PRUNE2: variants seen among roughly 807,000 people sequenced by gnomAD.
The protein encoded by PRUNE2 is prune homolog 2 with BCH domain, also known as protein prune homolog 2.
PRUNE2 carries 164 observed loss-of-function variants against 252.0 expected under a neutral mutation model. The observed-to-expected ratio is 0.65, with a 90% confidence interval of 0.57 to 0.74. PRUNE2 has a LOEUF of 0.74. PRUNE2 is among the 30% of genes least tolerant of loss of function. The probability of loss-of-function intolerance (pLI) is 0.00; values close to 1 mark genes in which losing one functional copy is unlikely to be tolerated. For synonymous variants in PRUNE2, 1,292 were observed against 1,350.2 expected, an observed-to-expected ratio of 0.96 and a Z score of 0.94; for missense variants, 3,495 against 3,711.0, an observed-to-expected ratio of 0.94 and a Z score of 1.51.
chr9:76,892,332 T>G (rs1419714411), intron 1 of PRUNE2, among the ~76,000 whole-genome samples: 1 of 152,186 alleles, frequency 6.6e-6, no homozygotes, highest in East Asian at 1.9e-4. Context: ...CTCTGAGTCT[T>G]GAAATTTGGG....
chr9:76,826,980 A>T (rs1024781439), intron 4 of PRUNE2, among the ~76,000 whole-genome samples: 2 of 152,188 alleles, frequency 1.3e-5, no homozygotes, highest in African/African-American at 2.4e-5. Flanking sequence ...TATGGTACAG[A>T]ATTCACAGAT....
At chr9:76,887,522 C>T (rs971132146) in intron 1 of PRUNE2, among the ~76,000 whole-genome samples, 1 of 152,308 alleles carries the variant, frequency 6.6e-6, no homozygotes, top group South Asian at 2.1e-4. Flanking sequence ...TGCCATAAAA[C>T]TTTCAGTGCC....
chr9:76,746,602 G>A (rs1318857679), intron 6 of PRUNE2, among the ~76,000 whole-genome samples: 3 of 151,422 alleles, frequency 2.0e-5, no homozygotes, highest in Non-Finnish European at 2.9e-5. Context: ...CTACTGGGGA[G>A]GCTGAGGCAG....
intron 12 of PRUNE2, chr9:76,642,066 G>T: frequency 3.0e-6 from 3 of 992,268 alleles, no homozygotes; most frequent in South Asian, 1.6e-5. Context: ...TGGCATTATT[G>T]TTCTCCATTA....
intron 9 of PRUNE2, chr9:76,692,346 C>T (rs2044856558): frequency 7.7e-6 from 4 of 520,448 alleles, no homozygotes; most frequent in Non-Finnish European, 1.4e-5. Context: ...GTCAAAAATG[C>T]TCTTTAATTT....
intron 1 of PRUNE2, among the ~76,000 whole-genome samples, chr9:76,883,243 G>GA (rs955750199): frequency 6.6e-6 from 1 of 152,118 alleles, no homozygotes; most frequent in Non-Finnish European, 1.5e-5. Context: ...GTTGCAAATA[G>GA]AAAAAACCTC....
At chr9:76,671,660 G>A (rs530945800) in intron 9 of PRUNE2, among the ~76,000 whole-genome samples, 2 of 152,134 alleles carry the variant, frequency 1.3e-5, no homozygotes, top group East Asian at 3.9e-4. Context: ...GAGAAAGGTC[G>A]GGTTACCATC....
rs766785631 is a variant in PRUNE2, at chr9:76,638,210, T to G, written c.8807A>C (p.His2936Pro). Residue 2936 changes from histidine (H) to proline (P), a missense_variant, in exon 13 of 19, where the codon CAC (histidine) becomes CCC (proline). Physicochemically the swap from His to Pro is moderately conservative, Grantham distance 77. Coordinates refer to ENST00000376718, the MANE Select transcript of PRUNE2 (RefSeq NM_015225.3). ...FLPDSSRADY[H>P]YVMENLFLYV... The stretch of plus-strand genomic sequence containing the variant: ...CAGGAAAAGATTTTCCATGACATAG[T>G]GGTAATCCGCCCGACTGCTGTCTGG... The G allele has an allele frequency of 1.2e-6, 2 of 1,613,230 alleles. No homozygotes were observed. Among genetic ancestry groups the G allele is most frequent in the Admixed American group, 3.3e-5 (2 of 60,004 alleles).
At chr9:76,623,091 T>C (rs1299254555) in intron 17 of PRUNE2, among the ~76,000 whole-genome samples, 1 of 152,232 alleles carries the variant, frequency 6.6e-6, no homozygotes, top group Non-Finnish European at 1.5e-5. Context: ...TTATAGCTGT[T>C]AGGACATTGT....
At chr9:76,816,501 C>T (rs1253717745) in intron 6 of PRUNE2, among the ~76,000 whole-genome samples, 1 of 152,124 alleles carries the variant, frequency 6.6e-6, no homozygotes, top group Non-Finnish European at 1.5e-5. Context: ...AGGAATTATC[C>T]GTTCTAAATT....
chr9:76,837,972 C>T (rs1018486578), intron 4 of PRUNE2, among the ~76,000 whole-genome samples: 5 of 151,882 alleles, frequency 3.3e-5, no homozygotes, highest in East Asian at 2.0e-4. Context: ...GGGGTTTCAC[C>T]GTGTTAGCCA....
At chr9:76,748,954 G>T (rs759411887) in intron 6 of PRUNE2, among the ~76,000 whole-genome samples, 19 of 152,102 alleles carry the variant, frequency 1.2e-4, no homozygotes, top group Non-Finnish European at 2.4e-4. Context: ...CCTCTTAAGG[G>T]CTTGCCACCC....
intron 6 of PRUNE2, among the ~76,000 whole-genome samples, chr9:76,718,139 C>T (rs544762325): frequency 1.3e-5 from 2 of 152,318 alleles, no homozygotes; most frequent in Admixed American, 6.5e-5. Context: ...ACTCCATTCA[C>T]AGCTGAAAGT....
At chr9:76,867,614 G>C (rs748609815) in intron 1 of PRUNE2, among the ~76,000 whole-genome samples, 4 of 152,146 alleles carry the variant, frequency 2.6e-5, no homozygotes, top group Non-Finnish European at 4.4e-5. Flanking sequence ...TGTCCCTAAG[G>C]CTGGAGCGCG....
chr9:76,644,531 T>C lies in PRUNE2; in HGVS notation c.8728+208A>G, dbSNP rs10119882. 8.6e-3 allele frequency: 5,755 copies of C among 672,870 alleles called. 215 individuals carry two copies. In the African/African-American group the frequency reaches 0.088, roughly 10 times the overall value. The allele number at this position is 672,870 out of a possible 1,614,324, so 41.7% of individuals were successfully genotyped here. A position where few individuals can be genotyped will look rare whatever the true frequency, so the allele number is the denominator to read the frequency against. The stretch of plus-strand genomic sequence containing the variant: ...TGTAGCATGAAAAGCCCGTTTTATA[T>C]TGGAAAGTTGTCTTTGCCTAGTAGG... On this transcript the variant is annotated intron_variant, in intron 12 of 18. Transcript: ENST00000376718.
rs553408428 is a variant in PRUNE2, at chr9:76,860,110, G to C, written c.37-5902C>G. ...GTGTCTAAACTGTCTTTGCATAGCTGAGTCAGTTTCCGGGAGGGAGTCTCA... is the reference window on the plus strand; with the variant it reads ...GTGTCTAAACTGTCTTTGCATAGCTCAGTCAGTTTCCGGGAGGGAGTCTCA... On this transcript the variant is annotated intron_variant, in intron 1 of 18. Coordinates refer to ENST00000376718, the MANE Select transcript of PRUNE2 (RefSeq NM_015225.3). Among the ~76,000 whole-genome samples the C allele has an allele frequency of 1.5e-3, 222 of 152,318 alleles. 1 individual carries two copies. The highest frequency in any genetic ancestry group is 3.4e-3 in the Middle Eastern group (1 of 294).
intron 1 of PRUNE2, among the ~76,000 whole-genome samples, chr9:76,897,297 G>A (rs12344485): frequency 0.072 from 10,718 of 149,342 alleles, 1,261 homozygotes; most frequent in African/African-American, 0.25. Flanking sequence ...AGGTGCTTAT[G>A]GTATGAGGAA....
intron 12 of PRUNE2, among the ~76,000 whole-genome samples, chr9:76,642,193 G>A (rs565854730): frequency 6.6e-6 from 1 of 152,218 alleles, no homozygotes; most frequent in African/African-American, 2.4e-5. Context: ...TATTTATGCA[G>A]ATGGCAAGGA....
At chr9:76,698,149 C>T (rs569307760) in intron 9 of PRUNE2, among the ~76,000 whole-genome samples, 7 of 151,644 alleles carry the variant, frequency 4.6e-5, no homozygotes, top group African/African-American at 1.7e-4. Flanking sequence ...TGGGTTCAAG[C>T]GATTCTCTTG....
Sources: allele counts gnomAD v4.1 joint callset (sites outside exome capture counted in the v4.1 genomes callset), GRCh38; gene constraint gnomAD v4.1.1; transcripts MANE v1.5; gene names NCBI Gene and HGNC (gene_info 2026-07-23, HGNC 2026-07-21).